The following TARBP1 variants were observed in gnomAD, a reference collection of about 807,000 sequenced individuals.
TARBP1 encodes tRNA (guanosine(18)-2'-O)-methyltransferase TARBP1.
In TARBP1, 144 loss-of-function variants were observed where a neutral mutation model predicts 178.6. The ratio of observed to expected loss-of-function variants is 0.81; its 90% CI spans 0.70 to 0.93. The LOEUF is 0.93. Among genes scored for constraint, TARBP1 ranks in the 40% least tolerant of loss-of-function variants. The pLI is 0.00. For synonymous variants in TARBP1, 787 were observed against 781.0 expected (o/e 1.01, Z -0.13); for missense variants, 2,067 against 2,011.7 (o/e 1.03, Z -0.53).
chr1:234,402,099 A>C (rs560354826), intron 24 of TARBP1, among the ~76,000 whole-genome samples: 1 of 152,310 alleles, frequency 6.6e-6, no homozygotes, highest in South Asian at 2.1e-4. Context: ...ATCTAGTCTT[A>C]AAAAACAAAA....
chr1:234,432,780 G>A (rs868825728), intron 14 of TARBP1, among the ~76,000 whole-genome samples: 95 of 152,254 alleles, frequency 6.2e-4, no homozygotes, highest in African/African-American at 2.1e-3. Context: ...GTGGGAAGGA[G>A]GGGGAAAGGC....
At chr1:234,400,478 A>G (rs530909918) in intron 25 of TARBP1, among the ~76,000 whole-genome samples, 7 of 152,356 alleles carry the variant, frequency 4.6e-5, no homozygotes, top group Admixed American at 3.3e-4. Flanking sequence ...CAATAATCTT[A>G]GTAATCCACC....
intron 14 of TARBP1, among the ~76,000 whole-genome samples, chr1:234,430,831 G>C (rs960890441): frequency 1.3e-5 from 2 of 152,180 alleles, no homozygotes; most frequent in Non-Finnish European, 2.9e-5. Context: ...GAACCACAAA[G>C]CCCAGGTCTG....
At chr1:234,475,583 G>A (rs1223872317) in intron 1 of TARBP1, among the ~76,000 whole-genome samples, 2 of 152,194 alleles carry the variant, frequency 1.3e-5, no homozygotes, top group Admixed American at 6.5e-5. Flanking sequence ...GAACCTAAAC[G>A]CACCCCTAAG....
At chr1:234,434,462 C>T (rs773519512) in intron 13 of TARBP1, among the ~76,000 whole-genome samples, 1 of 152,112 alleles carries the variant, frequency 6.6e-6, no homozygotes, top group Non-Finnish European at 1.5e-5. Flanking sequence ...CAAGACTGAA[C>T]AAAAGGGCAA....
At chr1:234,445,045 A>G (rs112311783) in intron 12 of TARBP1, among the ~76,000 whole-genome samples, 1,591 of 152,202 alleles carry the variant, frequency 0.01, 18 homozygotes, top group African/African-American at 0.036. Context: ...TTTCTCTCCG[A>G]GTGGCCCCCA....
At chr1:234,473,359 C>T (rs1465337944) in intron 1 of TARBP1, among the ~76,000 whole-genome samples, 1 of 152,168 alleles carries the variant, frequency 6.6e-6, no homozygotes, top group African/African-American at 2.4e-5. Context: ...CAGTCACATC[C>T]CCAGGCCACT....
rs779489132 is a variant in TARBP1, at chr1:234,429,655, A to G, written c.2632T>C (p.Ser878Pro). 8.1e-6 allele frequency: 13 copies of G among 1,604,216 alleles called. No individual in the cohort carries two copies. The highest frequency in any genetic ancestry group is 1.3e-5 in the African/African-American group (1 of 74,292). ...CSSVLEESSS[S>P]QGWGKIVAQY... is the part of the protein sequence containing the mutation. Reference sequence around the variant, plus strand: ...GCAACTATTTTTCCCCATCCTTGGGAAGATGACGATTCTTCCAAAACACTG... The same window carrying G: ...GCAACTATTTTTCCCCATCCTTGGGGAGATGACGATTCTTCCAAAACACTG... Residue 878 changes from serine (S) to proline (P), a missense_variant, in exon 16 of 30, where the codon TCC becomes CCC. Transcript: ENST00000040877.
intron 9 of TARBP1, among the ~76,000 whole-genome samples, chr1:234,452,283 G>T (rs757830601): frequency 2.4e-4 from 36 of 151,990 alleles, no homozygotes; most frequent in Non-Finnish European, 4.7e-4. Context: ...GAGAATGAGA[G>T]GACAAGCCAC....
intron 22 of TARBP1, among the ~76,000 whole-genome samples, chr1:234,415,339 A>G (rs765623229): frequency 3.3e-5 from 5 of 152,216 alleles, no homozygotes; most frequent in Non-Finnish European, 7.3e-5. Flanking sequence ...ATACTGACAT[A>G]GGCAGATTTG....
chr1:234,415,833 C>G (rs1024572820), intron 22 of TARBP1, among the ~76,000 whole-genome samples: 1 of 152,174 alleles, frequency 6.6e-6, no homozygotes, highest in African/African-American at 2.4e-5. Context: ...CACTGAGCCT[C>G]CCCTGTTCCT....
intron 14 of TARBP1, 131 bp downstream of exon 14, chr1:234,433,279 A>C: frequency 1.1e-6 from 1 of 942,800 alleles, no homozygotes; most frequent in Non-Finnish European, 1.6e-6. Flanking sequence ...TCTTATCACT[A>C]GAGGGTATAT....
chr1:234,445,267 C>T (rs1043117361), intron 12 of TARBP1, among the ~76,000 whole-genome samples: 8 of 152,142 alleles, frequency 5.3e-5, no homozygotes, highest in African/African-American at 1.4e-4. Flanking sequence ...CTCTTCACCT[C>T]ACTAACCTCT....
intron 17 of TARBP1, among the ~76,000 whole-genome samples, chr1:234,428,485 G>T (rs1467467338): frequency 6.6e-6 from 1 of 152,108 alleles, no homozygotes; most frequent in East Asian, 1.9e-4. Context: ...TGTCATGGAA[G>T]AATGACCAGT....
At chr1:234,399,406 G>C (rs1045256070) in intron 25 of TARBP1, among the ~76,000 whole-genome samples, 4 of 152,352 alleles carry the variant, frequency 2.6e-5, no homozygotes, top group African/African-American at 9.6e-5. Context: ...GGGGAACCAA[G>C]TAGGGGGCAC....
chr1:234,457,415 G>GC (rs1279471424), intron 9 of TARBP1, among the ~76,000 whole-genome samples: 1 of 152,054 alleles, frequency 6.6e-6, no homozygotes, highest in Non-Finnish European at 1.5e-5. Context: ...GTTGAGATCT[G>GC]CCCACTAGCA....
At chr1:234,437,171 A>T in intron 13 of TARBP1, 104 bp downstream of exon 13, 3 of 605,276 alleles carry the variant, frequency 5.0e-6, no homozygotes, top group Non-Finnish European at 7.9e-6. Flanking sequence ...CTTCTTGAGA[A>T]AATTAATTTT....
chr1:234,461,942 C>T (rs1033039142), intron 6 of TARBP1, among the ~76,000 whole-genome samples: 21 of 152,118 alleles, frequency 1.4e-4, no homozygotes, highest in African/African-American at 3.4e-4. Context: ...GGATATTACG[C>T]GGACTTTGTG....
At chr1:234,427,796 C>G (rs1553284719) in intron 17 of TARBP1, 30 bp from the exon 18 acceptor site, 2 of 1,384,590 alleles carry the variant, frequency 1.4e-6, no homozygotes, top group Non-Finnish European at 1.9e-6. Context: ...TCATTTTATC[C>G]TTGATTTAGT....
Sources: allele counts gnomAD v4.1 joint callset (sites outside exome capture counted in the v4.1 genomes callset), GRCh38; gene constraint gnomAD v4.1.1; transcripts MANE v1.5; gene names NCBI Gene and HGNC (gene_info 2026-07-23, HGNC 2026-07-21).